CHAF1A: variants seen among roughly 807,000 people sequenced by gnomAD.
The protein encoded by CHAF1A is CAF-1 subunit A.
Under a neutral mutation model 93.2 loss-of-function variants are expected in CHAF1A, and 5 were observed. The ratio of observed to expected loss-of-function variants is 0.05; its 90% CI spans 0.03 to 0.11. The LOEUF (loss-of-function observed/expected upper bound fraction) is 0.11, where lower values mean the gene tolerates loss of function less well. Ranked by LOEUF, CHAF1A falls within the 10% of genes least tolerant of loss-of-function variation. The pLI, the probability that CHAF1A is intolerant of heterozygous loss-of-function variation, is 1.00. For synonymous variants in CHAF1A, 504 were observed against 510.3 expected (o/e 0.99, Z 0.17); for missense variants, 1,102 against 1,259.9 (o/e 0.87, Z 1.90).
chr19:4,432,405 C>T (rs1974201851), intron 12 of CHAF1A, among the ~76,000 whole-genome samples, 198 bp downstream of exon 12: 2 of 152,112 alleles, frequency 1.3e-5, no homozygotes, highest in African/African-American at 2.4e-5. Context: ...CCTTAATTGG[C>T]TTGTTTTATC....
chr19:4,442,301 G>C lies in CHAF1A; in HGVS notation c.2730G>C (p.Glu910Asp). 1 of 1,612,320 alleles carries C rather than the reference G, an allele frequency of 6.2e-7. No homozygotes were observed. The highest frequency in any genetic ancestry group is 8.5e-7 in the Non-Finnish European group (1 of 1,179,148). ...CAGACACGGAGGAGGAGGAAGAGGA[G>C]GAGGGCGACTGTATGATCGTGGATG... is the stretch of plus-strand genomic sequence containing the variant. ...FQADTEEEEE[E>D]EGDCMIVDVP... The change falls in exon 14 of 15, where the codon GAG becomes GAC. Residue 910 changes from glutamate (E) to aspartate (D), a missense_variant. By Grantham distance (45) the Glu-to-Asp change is conservative. Around this residue, in one of 6 missense-constraint regions of CHAF1A, gnomAD observed 119 missense variants for 102.2 expected, o/e 1.16. Coordinates refer to ENST00000301280, the MANE Select transcript of CHAF1A (RefSeq NM_005483.3).
chr19:4,428,329 A>G (rs1436366272), intron 7 of CHAF1A, among the ~76,000 whole-genome samples: 9 of 145,740 alleles, frequency 6.2e-5, no homozygotes, highest in South Asian at 2.3e-4. Flanking sequence ...TTGTTGAGAT[A>G]TAATTTACAT....
chr19:4,405,000 A>G (rs944048012), intron 1 of CHAF1A, among the ~76,000 whole-genome samples: 1 of 152,070 alleles, frequency 6.6e-6, no homozygotes, highest in Admixed American at 6.6e-5. Context: ...GATTTTACAG[A>G]TTTGGTGGTG....
chr19:4,406,127 TC>T (rs921879218), intron 2 of CHAF1A, among the ~76,000 whole-genome samples, 165 bp downstream of exon 2: 5 of 152,180 alleles, frequency 3.3e-5, no homozygotes, highest in Admixed American at 6.5e-5. Flanking sequence ...CTCGTGGGGT[TC>T]CCACAAGTAA....
At chr19:4,437,608 A>C (rs1360532356) in intron 13 of CHAF1A, among the ~76,000 whole-genome samples, 1 of 152,116 alleles carries the variant, frequency 6.6e-6, no homozygotes, top group Non-Finnish European at 1.5e-5. Flanking sequence ...GCCTCCTGGC[A>C]TTTAATAAAG....
intron 13 of CHAF1A, among the ~76,000 whole-genome samples, chr19:4,438,554 G>A (rs965835387): frequency 2.7e-4 from 41 of 152,150 alleles, no homozygotes; most frequent in African/African-American, 9.9e-4. Context: ...ACCTAGTGGG[G>A]TGAAGTGCCA....
At chr19:4,423,170 T>G (rs1974020825) in intron 5 of CHAF1A, among the ~76,000 whole-genome samples, 165 bp from the exon 6 acceptor site, 2 of 152,244 alleles carry the variant, frequency 1.3e-5, no homozygotes, top group African/African-American at 4.8e-5. Flanking sequence ...CTGTTTTCCA[T>G]TTTTATTGTG....
In CHAF1A at chr19:4,433,243, C is replaced by A; in HGVS notation, c.2377C>A (p.Pro793Thr). The A allele has an allele frequency of 6.2e-7, 1 of 1,614,214 alleles. No individual in the cohort carries two copies. Among genetic ancestry groups the A allele is most frequent in the Non-Finnish European group, 8.5e-7 (1 of 1,180,038 alleles). The change falls in exon 13 of 15, where the codon CCC becomes ACC. Residue 793 changes from proline (P) to threonine (T), a missense_variant. Pro to Thr is a conservative substitution (Grantham distance 38). Around this residue, in one of 6 missense-constraint regions of CHAF1A, gnomAD observed 76 missense variants for 129.8 expected, o/e 0.59. Transcript: ENST00000301280. This position sits in a 1 kb window ranked among gnomAD's most constrained non-coding sequence, Gnocchi z 5.6. ...CACCCCCAGCGAGGATGCCGCCATCCCCTCTAAGTCCCGGCTCAAGCGGCT... is the reference window on the plus strand; with the variant it reads ...CACCCCCAGCGAGGATGCCGCCATCACCTCTAAGTCCCGGCTCAAGCGGCT... Reference protein sequence around the residue: ...TPTPSEDAAIPSKSRLKRLIS... With the variant: ...TPTPSEDAAITSKSRLKRLIS...
chr19:4,431,881 G>A lies in CHAF1A; in HGVS notation c.1948-71G>A, dbSNP rs200837814. The stretch of plus-strand genomic sequence containing the variant: ...TTGCTCCCCAGCTGGCTGGGGACTG[G>A]TTCCTCAAAAGAGTGCCCGGGCATA... On this transcript the variant is annotated intron_variant, in intron 11 of 14. Coordinates refer to ENST00000301280, the MANE Select transcript of CHAF1A (RefSeq NM_005483.3). 8 of 1,531,000 alleles carry A rather than the reference G, an allele frequency of 5.2e-6. No homozygotes were observed. In the East Asian group the frequency reaches 1.8e-4, roughly 35 times the overall value. 94.8% of individuals were successfully genotyped at this position (1,531,000 alleles called of 1,614,324 possible).
rs142906622 is a variant in CHAF1A, at chr19:4,432,336, C to G, written c.2203+129C>G. ...TTTCCACAAATAACAGAGGCCAGCC[C>G]TTTTCCTGTACATGTCCGTACGTTC... On this transcript the variant is annotated intron_variant, in intron 12 of 14. Coordinates refer to ENST00000301280, the MANE Select transcript of CHAF1A (RefSeq NM_005483.3). 170 of 1,103,620 alleles carry G rather than the reference C, an allele frequency of 1.5e-4. 2 individuals are homozygous for G. In the East Asian group the frequency reaches 4.4e-3, roughly 28 times the overall value. 68.4% of individuals were successfully genotyped at this position (1,103,620 alleles called of 1,614,324 possible).
intron 13 of CHAF1A, among the ~76,000 whole-genome samples, chr19:4,434,438 T>C (rs1025835314): frequency 2.0e-5 from 3 of 152,184 alleles, no homozygotes; most frequent in Non-Finnish European, 2.9e-5. Flanking sequence ...TGAATGAATG[T>C]TGGATGCTGT....
intron 3 of CHAF1A, among the ~76,000 whole-genome samples, chr19:4,414,756 C>CT (rs1973868432): frequency 3.3e-5 from 5 of 152,282 alleles, no homozygotes; most frequent in Admixed American, 3.3e-4. Context: ...TTCCCTTGAG[C>CT]TTCCTTCTAC....
In CHAF1A at chr19:4,430,581, T is replaced by G. The variant is rs201235248; in HGVS notation, c.1887T>G (p.Asp629Glu). ...DDDDDMGEDE[D>E]EDDGFFVPHG... is the part of the protein sequence containing the mutation. Reference sequence around the variant, plus strand: ...ATGACGACATGGGAGAGGATGAAGATGAGGACGATGGTTTCTTTGTGCCCC... The same window carrying G: ...ATGACGACATGGGAGAGGATGAAGAGGAGGACGATGGTTTCTTTGTGCCCC... Residue 629 changes from aspartate to glutamate, a missense_variant, in exon 11 of 15, where the codon GAT (aspartate) becomes GAG (glutamate). By Grantham distance (45) the Asp-to-Glu change is conservative. This residue lies in a region of CHAF1A where 335 missense variants were observed against 361.9 expected (regional missense o/e 0.93). Transcript: ENST00000301280. The G allele has an allele frequency of 8.3e-5, 134 of 1,612,664 alleles. No homozygotes were observed. The South Asian group carries it at 1.4e-3, about 17-fold the overall frequency.
intron 10 of CHAF1A, chr19:4,430,220 C>T (rs1247836852): frequency 2.9e-6 from 1 of 346,184 alleles, no homozygotes; most frequent in Non-Finnish European, 5.4e-6. Flanking sequence ...CTCTATCACT[C>T]AGGCTGGAGT....
At chr19:4,410,572 G>A (rs936083222) in intron 3 of CHAF1A, among the ~76,000 whole-genome samples, 3 of 151,210 alleles carry the variant, frequency 2.0e-5, no homozygotes, top group Non-Finnish European at 4.4e-5. Context: ...GTAGAGACAG[G>A]GTTTCACTAT....
At chr19:4,445,557 C>T (rs1337360798), downstream of CHAF1A, 5 of 1,613,808 alleles carry the variant, frequency 3.1e-6, no homozygotes, top group East Asian at 4.5e-5. Flanking sequence ...TCCGGCTCGG[C>T]CCCCGCGGCC....
intron 10 of CHAF1A, chr19:4,429,989 G>T: frequency 1.8e-6 from 1 of 545,600 alleles, no homozygotes; most frequent in South Asian, 2.1e-5. Context: ...GGTGACACTC[G>T]CCCACGTGGC....
chr19:4,442,866 TC>T (rs1974419843), intron 14 of CHAF1A, 58 bp from the exon 15 acceptor site: 2 of 1,312,336 alleles, frequency 1.5e-6, no homozygotes, highest in Non-Finnish European at 1.0e-6. Context: ...GGTGGGGTCT[TC>T]CCCCAGGGAG....
chr19:4,421,374 A>G (rs1033275663), intron 4 of CHAF1A, among the ~76,000 whole-genome samples: 2 of 152,108 alleles, frequency 1.3e-5, no homozygotes, highest in African/African-American at 4.8e-5. Flanking sequence ...TCAGCCCAGC[A>G]GGATTGTGTT....
Sources: gnomAD v4.1 joint callset for allele counts (sites outside exome capture counted in the v4.1 genomes callset) on GRCh38, gnomAD v4.1.1 for gene constraint, gnomAD v4.1.1 regional missense constraint, Gnocchi (gnomAD v3.1) non-coding constraint, MANE v1.5 for transcripts, NCBI Gene and HGNC (gene_info 2026-07-23, HGNC 2026-07-21) for gene names.